NFASC: variants seen among roughly 807,000 people sequenced by gnomAD.
NFASC encodes neurofascin homolog.
A neutral mutation model predicts 147.5 loss-of-function variants in NFASC; 43 were observed. The ratio of observed to expected loss-of-function variants is 0.29; its 90% CI spans 0.23 to 0.38. The LOEUF is 0.38. Among genes scored for constraint, NFASC ranks in the 10% least tolerant of loss-of-function variants. The pLI, the probability that NFASC is intolerant of heterozygous loss-of-function variation, is 1.00. For synonymous variants in NFASC, 622 were observed against 665.5 expected (o/e 0.93, Z 1.01); for missense variants, 1,320 against 1,689.0 (o/e 0.78, Z 3.83).
intron 12 of NFASC, 97 bp from the exon 13 acceptor site, chr1:204,974,082 G>T: frequency 2.2e-6 from 2 of 911,212 alleles, no homozygotes; most frequent in Non-Finnish European, 3.4e-6. Context: ...TGCCTGGGAA[G>T]CTGCTGTAAG....
chr1:204,978,359 C>T (rs1440928333), intron 17 of NFASC, among the ~76,000 whole-genome samples: 1 of 152,184 alleles, frequency 6.6e-6, no homozygotes, highest in Non-Finnish European at 1.5e-5. Flanking sequence ...GCTGCCCTCA[C>T]CCCTGTTTGC....
rs775431784 is a variant in NFASC at position 204,974,751 on chromosome 1, C to G, written c.1486C>G (p.Gln496Glu). Reference sequence around the variant, plus strand: ...AATTAAGATGATCCGCAAAGAGGACCAGGGCATCTACACCTGTGTCGCCAC... The same window carrying G: ...AATTAAGATGATCCGCAAAGAGGACGAGGGCATCTACACCTGTGTCGCCAC... The part of the protein sequence containing the change: ...LEIKMIRKED[Q>E]GIYTCVATNI... Residue 496 changes from glutamine (Q) to glutamate (E), a missense_variant, in exon 14 of 30, where the codon CAG becomes GAG. Gln to Glu is a conservative substitution (Grantham distance 29). Coordinates refer to ENST00000339876, the MANE Select transcript of NFASC (RefSeq NM_001005388.3). The G allele has an allele frequency of 4.3e-6, 7 of 1,613,766 alleles. No homozygotes were observed. The highest frequency in any genetic ancestry group is 5.9e-6 in the Non-Finnish European group (7 of 1,179,962).
chr1:204,901,904 G>A (rs1161670316), intron 1 of NFASC, among the ~76,000 whole-genome samples: 3 of 152,160 alleles, frequency 2.0e-5, no homozygotes, highest in Admixed American at 6.5e-5. Context: ...GCAGGCAGAC[G>A]GATGCGTGAG....
chr1:204,994,973 C>G lies in NFASC; in HGVS notation c.2783-2197C>G, dbSNP rs142198172. On this transcript the variant is annotated intron_variant, in intron 24 of 29. Transcript: ENST00000339876. The stretch of plus-strand genomic sequence containing the variant: ...ACAAGAAATACACAAATTAGCCAAG[C>G]ATGGTGGACCTGTAGCTGGACCTAT... Among the ~76,000 whole-genome samples, 13 of 152,088 alleles carry G rather than the reference C, an allele frequency of 8.5e-5. No individual in the cohort carries two copies. In the East Asian group the frequency reaches 1.9e-3, roughly 23 times the overall value.
intron 24 of NFASC, among the ~76,000 whole-genome samples, chr1:204,995,299 T>A (rs924432214): frequency 1.4e-5 from 2 of 147,942 alleles, no homozygotes; most frequent in Non-Finnish European, 3.0e-5. Flanking sequence ...GGCTTTCCCA[T>A]GTATGATGTG....
intron 2 of NFASC, among the ~76,000 whole-genome samples, chr1:204,925,188 T>C (rs1018219084): frequency 3.9e-5 from 6 of 152,254 alleles, no homozygotes; most frequent in African/African-American, 9.6e-5. Flanking sequence ...ATGCCAGCTA[T>C]GTGCCAGGCC....
rs770743051 is a variant in NFASC, at chr1:204,952,102, G to T, written c.201G>T (p.Gly67=). ...DNILIECEAK[G]NPAPSFHWTR... ...TCCTGATTGAGTGTGAAGCAAAAGGGAACCCTGCCCCCAGGTGAGTGAAGG... is the reference window on the plus strand; with the variant it reads ...TCCTGATTGAGTGTGAAGCAAAAGGTAACCCTGCCCCCAGGTGAGTGAAGG... The change falls in exon 5 of 30, where the codon GGG becomes GGT. Residue 67 remains glycine (G), a synonymous_variant. Coordinates refer to ENST00000339876, the MANE Select transcript of NFASC (RefSeq NM_001005388.3). The T allele has an allele frequency of 3.1e-6, 5 of 1,613,516 alleles. No individual in the cohort carries two copies. Among genetic ancestry groups the T allele is most frequent in the Non-Finnish European group, 3.4e-6 (4 of 1,179,584 alleles).
intron 2 of NFASC, among the ~76,000 whole-genome samples, chr1:204,933,298 G>C (rs2595958): frequency 0.12 from 17,918 of 152,164 alleles, 1,184 homozygotes; most frequent in Middle Eastern, 0.17. Flanking sequence ...GGGAGAATGC[G>C]GGGGAGATGG....
chr1:204,901,803 G>T (rs935969438), intron 1 of NFASC, among the ~76,000 whole-genome samples: 1 of 152,098 alleles, frequency 6.6e-6, no homozygotes, highest in Non-Finnish European at 1.5e-5. Flanking sequence ...GGAGGTAGAG[G>T]AGGATTGCTG....
At chr1:205,002,287 C>T (rs1295592517) in intron 26 of NFASC, among the ~76,000 whole-genome samples, 2 of 152,228 alleles carry the variant, frequency 1.3e-5, no homozygotes, top group East Asian at 1.9e-4. Flanking sequence ...AACAGAGCAT[C>T]TGCTGACAAG....
At chr1:205,011,346 C>T (rs942938841) in intron 28 of NFASC, among the ~76,000 whole-genome samples, 1 of 152,152 alleles carries the variant, frequency 6.6e-6, no homozygotes, top group Non-Finnish European at 1.5e-5. Context: ...ATGATTGTCC[C>T]TTACTGGTGA....
At chr1:204,866,056 A>G (rs975305868) in intron 1 of NFASC, among the ~76,000 whole-genome samples, 1 of 152,154 alleles carries the variant, frequency 6.6e-6, no homozygotes, top group Non-Finnish European at 1.5e-5. Flanking sequence ...TATCTCCTTC[A>G]AGGGGCAGCC....
chr1:204,900,856 A>G (rs114834938), intron 1 of NFASC, among the ~76,000 whole-genome samples: 334 of 151,988 alleles, frequency 2.2e-3, no homozygotes, highest in African/African-American at 7.4e-3. Flanking sequence ...TTTTTTTTCA[A>G]AGTGGAAATG....
At chr1:204,847,418 A>G (rs185132471) in intron 1 of NFASC, among the ~76,000 whole-genome samples, 47 of 152,186 alleles carry the variant, frequency 3.1e-4, no homozygotes, top group Middle Eastern at 6.8e-3. Context: ...TCTAGCCCTG[A>G]TCTATTTGTA....
intron 27 of NFASC, among the ~76,000 whole-genome samples, chr1:205,004,708 T>G (rs969632772): frequency 1.3e-5 from 2 of 152,234 alleles, no homozygotes; most frequent in African/African-American, 2.4e-5. Flanking sequence ...TGTGTTTCAT[T>G]AAAGCAAGAA....
At chr1:204,837,547 TAGA>T (rs755491894) in intron 1 of NFASC, among the ~76,000 whole-genome samples, 1 of 152,150 alleles carries the variant, frequency 6.6e-6, no homozygotes, top group Non-Finnish European at 1.5e-5. Flanking sequence ...ATTGTGGTGT[TAGA>T]AGAAGTGGGT....
At chr1:204,880,347 A>C (rs1246732953) in intron 1 of NFASC, among the ~76,000 whole-genome samples, 1 of 151,944 alleles carries the variant, frequency 6.6e-6, no homozygotes, top group African/African-American at 2.4e-5. Context: ...TGTAATGTTT[A>C]ATTTCTTTTT....
At chr1:204,933,026 G>A (rs2092505036) in intron 2 of NFASC, among the ~76,000 whole-genome samples, 1 of 152,170 alleles carries the variant, frequency 6.6e-6, no homozygotes, top group African/African-American at 2.4e-5. Context: ...TGGGGTTGGT[G>A]GTGGGAGGGT....
At chr1:204,868,260 T>A (rs2077279737) in intron 1 of NFASC, among the ~76,000 whole-genome samples, 1 of 152,130 alleles carries the variant, frequency 6.6e-6, no homozygotes, top group African/African-American at 2.4e-5. Flanking sequence ...CCTAAGTCAT[T>A]GTATTGCTGA....
Sources: allele counts gnomAD v4.1 joint callset (sites outside exome capture counted in the v4.1 genomes callset), GRCh38; gene constraint gnomAD v4.1.1; transcripts MANE v1.5; gene names NCBI Gene and HGNC (gene_info 2026-07-23, HGNC 2026-07-21).